Variants in MAN2A1 observed in about 807,000 individuals in gnomAD.
The protein encoded by MAN2A1 is alpha-mannosidase 2.
Under a neutral mutation model 142.6 loss-of-function variants are expected in MAN2A1, and 76 were observed. The observed-to-expected ratio is 0.53, with a 90% CI of 0.44 to 0.65. The LOEUF (loss-of-function observed/expected upper bound fraction) is 0.65. MAN2A1 is among the 30% of genes least tolerant of loss of function. The pLI, the probability that MAN2A1 is intolerant of heterozygous loss-of-function variation, is 0.00. For missense variants in MAN2A1, 1,311 were observed against 1,365.1 expected (o/e 0.96, Z 0.62); for synonymous variants, 559 against 473.2 (o/e 1.18, Z -2.35).
At chr5:109,764,639 G>T (rs1054625773) in intron 5 of MAN2A1, among the ~76,000 whole-genome samples, 9 of 152,006 alleles carry the variant, frequency 5.9e-5, no homozygotes, top group African/African-American at 2.2e-4. Context: ...TAGTCTCAGG[G>T]ACTCTTTATT....
rs1237575779 is a variant in MAN2A1 at position 109,823,824 on chromosome 5, A to G, written c.2553A>G (p.Leu851=). 36 of 1,555,328 alleles carry G rather than the reference A, an allele frequency of 2.3e-5. No homozygotes were observed. Among genetic ancestry groups the G allele is most frequent in the Non-Finnish European group, 3.0e-5 (34 of 1,142,804 alleles). ...FFDHVTHRVR[L]YHIQGIEGQS... ...ACCATGTTACTCATAGAGTCCGACT[A>G]TACCACATACAGGGTAAGAAAATAG... Residue 851 remains leucine, a synonymous_variant, in exon 16 of 22, where the codon CTA becomes CTG. Coordinates refer to ENST00000261483, the MANE Select transcript of MAN2A1 (RefSeq NM_002372.4).
chr5:109,754,166 C>A (rs1451514761), intron 4 of MAN2A1, among the ~76,000 whole-genome samples: 1 of 152,186 alleles, frequency 6.6e-6, no homozygotes, highest in Non-Finnish European at 1.5e-5. Context: ...CCTGTCTTGG[C>A]TTCCCAGAGT....
intron 4 of MAN2A1, among the ~76,000 whole-genome samples, chr5:109,736,623 C>G (rs1014177404): frequency 6.6e-6 from 1 of 152,068 alleles, no homozygotes; most frequent in East Asian, 1.9e-4. Context: ...CAGATTGTTT[C>G]TGATTTTAAG....
intron 1 of MAN2A1, among the ~76,000 whole-genome samples, chr5:109,709,955 A>G (rs1438566875): frequency 6.6e-6 from 1 of 152,228 alleles, no homozygotes; most frequent in East Asian, 1.9e-4. Context: ...TTTAATGCAG[A>G]CTACAAGTGC....
chr5:109,718,995 T>C (rs553050456), intron 3 of MAN2A1, among the ~76,000 whole-genome samples: 48 of 60,074 alleles, frequency 8.0e-4, no homozygotes, highest in African/African-American at 5.3e-3. Flanking sequence ...AAAAAACTTA[T>C]TTAAAGTACT....
intron 13 of MAN2A1, 120 bp downstream of exon 13, chr5:109,817,558 G>C: frequency 2.2e-6 from 2 of 922,876 alleles, no homozygotes; most frequent in Non-Finnish European, 1.6e-6. Context: ...GGTGATGAAA[G>C]TTGTAAATAC....
intron 16 of MAN2A1, among the ~76,000 whole-genome samples, chr5:109,832,416 C>G (rs900800873): frequency 2.0e-5 from 3 of 151,926 alleles, no homozygotes; most frequent in Non-Finnish European, 4.4e-5. Flanking sequence ...TTTAACAAAC[C>G]ACATCCTGCA....
intron 3 of MAN2A1, among the ~76,000 whole-genome samples, chr5:109,716,717 C>A (rs879628526): frequency 6.6e-6 from 1 of 152,124 alleles, no homozygotes; most frequent in Non-Finnish European, 1.5e-5. Flanking sequence ...CAGGCACATA[C>A]GAATGTGAGT....
intron 1 of MAN2A1, among the ~76,000 whole-genome samples, chr5:109,697,591 A>T (rs1750850552): frequency 6.6e-6 from 1 of 152,228 alleles, no homozygotes. Context: ...ATAATGTTTC[A>T]TGACATAGCC....
At chr5:109,797,269 G>A (rs1042329758) in intron 12 of MAN2A1, among the ~76,000 whole-genome samples, 3 of 151,906 alleles carry the variant, frequency 2.0e-5, no homozygotes, top group Non-Finnish European at 2.9e-5. Flanking sequence ...TTTAAAAAAA[G>A]AGGACCTGGA....
intron 19 of MAN2A1, among the ~76,000 whole-genome samples, chr5:109,848,207 T>C (rs190330845): frequency 6.6e-6 from 1 of 152,324 alleles, no homozygotes; most frequent in African/African-American, 2.4e-5. Flanking sequence ...TATTCTAGTC[T>C]TAGACTCTTC....
At chr5:109,862,870 TGAGA>T (rs1755790665) in intron 20 of MAN2A1, 1 of 152,204 alleles carries the variant, frequency 6.6e-6, no homozygotes, top group Admixed American at 6.5e-5. Flanking sequence ...ATTTTAGTTT[TGAGA>T]GAAAGTATAA....
chr5:109,759,958 TATATATAGATAGATAG>T (rs1002761907), intron 5 of MAN2A1, among the ~76,000 whole-genome samples: 9 of 21,976 alleles, frequency 4.1e-4, no homozygotes, highest in African/African-American at 3.2e-3. Flanking sequence ...TATATATATA[TATATATAGATAGATAG>T]ATAGATAGAT....
chr5:109,743,859 C>A (rs1481207180), intron 4 of MAN2A1, among the ~76,000 whole-genome samples: 2 of 152,132 alleles, frequency 1.3e-5, no homozygotes, highest in African/African-American at 4.8e-5. Flanking sequence ...AGGCCACTAT[C>A]CTTTGCCTGA....
At chr5:109,841,292 C>T (rs1311687926) in intron 16 of MAN2A1, among the ~76,000 whole-genome samples, 1 of 152,100 alleles carries the variant, frequency 6.6e-6, no homozygotes, top group East Asian at 1.9e-4. Flanking sequence ...TATCCCTCGC[C>T]CCCCTCCAAC....
intron 16 of MAN2A1, among the ~76,000 whole-genome samples, chr5:109,838,013 G>A (rs1003827098): frequency 6.6e-5 from 10 of 151,722 alleles, no homozygotes; most frequent in Non-Finnish European, 1.5e-4. Context: ...AAGATGGTGT[G>A]TAAGACAGTC....
chr5:109,833,119 G>A (rs1332165674), intron 16 of MAN2A1, among the ~76,000 whole-genome samples: 3 of 151,174 alleles, frequency 2.0e-5, no homozygotes, highest in African/African-American at 7.3e-5. Context: ...ATGGGTGGCC[G>A]GGCAGAGACG....
At chr5:109,787,381 G>A (rs998647585) in intron 10 of MAN2A1, among the ~76,000 whole-genome samples, 4 of 151,842 alleles carry the variant, frequency 2.6e-5, no homozygotes, top group African/African-American at 9.7e-5. Context: ...TTCCCGAACC[G>A]TATTCCGTAT....
intron 18 of MAN2A1, among the ~76,000 whole-genome samples, chr5:109,847,085 TA>T (rs1184701666): frequency 1.3e-5 from 2 of 152,118 alleles, no homozygotes; most frequent in African/African-American, 2.4e-5. Flanking sequence ...TACAATTTTT[TA>T]AAAAACACTA....
Sources: gnomAD v4.1 joint callset for allele counts (sites outside exome capture counted in the v4.1 genomes callset) on GRCh38, gnomAD v4.1.1 for gene constraint, MANE v1.5 for transcripts, NCBI Gene and HGNC (gene_info 2026-07-23, HGNC 2026-07-21) for gene names.